The following PPM1E variants were observed in gnomAD, a reference collection of about 807,000 sequenced individuals.
PPM1E encodes the protein protein phosphatase 1E.
A neutral mutation model predicts 65.9 loss-of-function variants in PPM1E; 20 were observed. That is an observed-to-expected ratio of 0.30 (90% CI 0.21 to 0.44). PPM1E has a LOEUF of 0.44. Among genes scored for constraint, PPM1E ranks in the 20% least tolerant of loss-of-function variants. PPM1E has a pLI of 1.00. For missense variants in PPM1E, 713 were observed against 953.1 expected (o/e 0.75, Z 3.32); for synonymous variants, 352 against 374.9 (o/e 0.94, Z 0.70).
intron 1 of PPM1E, among the ~76,000 whole-genome samples, chr17:58,903,021 T>A (rs537589106): frequency 2.1e-4 from 32 of 152,310 alleles, no homozygotes; most frequent in African/African-American, 7.7e-4. Context: ...CTTTCTTCCT[T>A]TCCTTCCTTG....
chr17:58,810,235 G>A (rs1388307156), intron 1 of PPM1E, among the ~76,000 whole-genome samples: 1 of 151,824 alleles, frequency 6.6e-6, no homozygotes, highest in African/African-American at 2.4e-5. Context: ...CTGAGACGGA[G>A]TCTCACTCTG....
intron 1 of PPM1E, among the ~76,000 whole-genome samples, chr17:58,867,805 A>C (rs1302826525): frequency 2.0e-5 from 3 of 152,200 alleles, no homozygotes; most frequent in Non-Finnish European, 4.4e-5. Context: ...TATGGCTATT[A>C]TATAATTTAA....
At chr17:58,811,486 A>G (rs2050367402) in intron 1 of PPM1E, among the ~76,000 whole-genome samples, 1 of 152,272 alleles carries the variant, frequency 6.6e-6, no homozygotes, top group East Asian at 1.9e-4. Context: ...AATATCTGTT[A>G]TTAATTTGTA....
At chr17:58,945,266 T>C (rs2052133204) in intron 1 of PPM1E, among the ~76,000 whole-genome samples, 1 of 151,880 alleles carries the variant, frequency 6.6e-6, no homozygotes. Flanking sequence ...TGCCTCAGCC[T>C]CCCGAGTAGC....
chr17:58,966,848 A>G (rs2030286045), intron 3 of PPM1E: 1 of 152,578 alleles, frequency 6.6e-6, no homozygotes, highest in Non-Finnish European at 1.5e-5. Flanking sequence ...AGCTAAATTT[A>G]CATTTTAGCT....
chr17:58,892,017 G>A (rs1395478794), intron 1 of PPM1E, among the ~76,000 whole-genome samples: 1 of 151,708 alleles, frequency 6.6e-6, no homozygotes, highest in African/African-American at 2.4e-5. Flanking sequence ...TGTATTTTTA[G>A]TAGAGACAGC....
At chr17:58,950,828 G>A (rs994426239) in intron 1 of PPM1E, among the ~76,000 whole-genome samples, 14 of 148,472 alleles carry the variant, frequency 9.4e-5, no homozygotes, top group African/African-American at 3.5e-4. Flanking sequence ...ACCCAGGCTG[G>A]AGTGCAGCGG....
intron 1 of PPM1E, among the ~76,000 whole-genome samples, chr17:58,925,428 T>G (rs1349001714): frequency 6.6e-6 from 1 of 151,968 alleles, no homozygotes; most frequent in African/African-American, 2.4e-5. Context: ...AAGGGGCTGT[T>G]TTTTTATTTC....
chr17:58,765,846 C>G (rs2049868877), intron 1 of PPM1E, among the ~76,000 whole-genome samples: 1 of 150,298 alleles, frequency 6.7e-6, no homozygotes. Context: ...CCACAAAGCA[C>G]AACCTCTGGT....
intron 1 of PPM1E, among the ~76,000 whole-genome samples, chr17:58,826,231 A>T (rs2050534776): frequency 6.7e-6 from 1 of 148,628 alleles, no homozygotes; most frequent in South Asian, 2.2e-4. Flanking sequence ...TAGGAGGCAG[A>T]GGTTGCAGTG....
intron 1 of PPM1E, among the ~76,000 whole-genome samples, chr17:58,947,110 G>GTT (rs56666470): frequency 4.5e-5 from 2 of 44,072 alleles, no homozygotes; most frequent in Non-Finnish European, 7.5e-5. Flanking sequence ...CCTTTTTCCT[G>GTT]TTTTTTTTTT....
intron 1 of PPM1E, among the ~76,000 whole-genome samples, chr17:58,873,741 C>T (rs182027863): frequency 2.7e-4 from 41 of 151,252 alleles, no homozygotes; most frequent in African/African-American, 8.7e-4. Flanking sequence ...ACTACAGGTC[C>T]GCACTACCAT....
At chr17:58,757,986 A>G (rs983781829) in intron 1 of PPM1E, among the ~76,000 whole-genome samples, 1 of 152,156 alleles carries the variant, frequency 6.6e-6, no homozygotes, top group South Asian at 2.1e-4. Context: ...TACAGTATTT[A>G]AAGATAAAGC....
At chr17:58,894,241 C>T (rs1380268736) in intron 1 of PPM1E, among the ~76,000 whole-genome samples, 1 of 152,106 alleles carries the variant, frequency 6.6e-6, no homozygotes, top group African/African-American at 2.4e-5. Context: ...CGTGCCGCAG[C>T]CTCCCAAGTA....
chr17:58,805,986 AAAACAAAAC>A (rs2050308846), intron 1 of PPM1E, among the ~76,000 whole-genome samples: 1 of 105,724 alleles, frequency 9.5e-6, no homozygotes, highest in African/African-American at 4.8e-5. Context: ...AAAAAAAAAC[AAAACAAAAC>A]AAAACAAAAA....
rs1331061336 is a variant in PPM1E, at chr17:58,932,450, C to T, written c.465-23199C>T. On this transcript the variant is annotated intron_variant, in intron 1 of 6. Transcript: ENST00000308249. ...CATCACTGCACTCCAGCCTAGGCAA[C>T]AGAGCAAGACGCTGTCTCAAAAACA... is the stretch of plus-strand genomic sequence containing the variant. Among the ~76,000 whole-genome samples, 4 of 152,172 alleles carry T rather than the reference C, an allele frequency of 2.6e-5. No individual in the cohort carries two copies. The East Asian group carries it at 7.7e-4, about 29-fold the overall frequency.
chr17:58,952,982 T>C (rs1051009545), intron 1 of PPM1E, among the ~76,000 whole-genome samples: 8 of 152,096 alleles, frequency 5.3e-5, no homozygotes, highest in Admixed American at 1.3e-4. Flanking sequence ...CCTGGAGTAC[T>C]AGTTTCTTAA....
chr17:58,921,311 C>G (rs1298827893), intron 1 of PPM1E, among the ~76,000 whole-genome samples: 1 of 152,068 alleles, frequency 6.6e-6, no homozygotes, highest in Non-Finnish European at 1.5e-5. Flanking sequence ...ACATTGTATG[C>G]TGATGGAAAT....
chr17:58,880,372 A>G, intron 1 of PPM1E, among the ~76,000 whole-genome samples: 1 of 152,178 alleles, frequency 6.6e-6, no homozygotes, highest in Non-Finnish European at 1.5e-5. Flanking sequence ...TAAATGGAAG[A>G]TTCATGTTTT....
Sources: gnomAD v4.1 joint callset for allele counts (sites outside exome capture counted in the v4.1 genomes callset) on GRCh38, gnomAD v4.1.1 for gene constraint, MANE v1.5 for transcripts, NCBI Gene and HGNC (gene_info 2026-07-23, HGNC 2026-07-21) for gene names.